KIRREL3: variants seen among roughly 807,000 people sequenced by gnomAD.
KIRREL3 encodes the protein kin of IRRE-like protein 3.
In KIRREL3, 36 loss-of-function variants were observed where a neutral mutation model predicts 89.7. The observed-to-expected ratio is 0.40, with a 90% CI of 0.31 to 0.53. KIRREL3 has a LOEUF of 0.53. Among genes scored for constraint, KIRREL3 ranks in the 20% least tolerant of loss-of-function variants. The probability of loss-of-function intolerance (pLI) is 0.49; values close to 1 mark genes in which losing one functional copy is unlikely to be tolerated. For synonymous variants in KIRREL3, 445 were observed against 441.4 expected, an observed-to-expected ratio of 1.01 and a Z score of -0.10; for missense variants, 864 against 1,056.6, an observed-to-expected ratio of 0.82 and a Z score of 2.53.
intron 1 of KIRREL3, among the ~76,000 whole-genome samples, chr11:126,862,235 C>A (rs1384649792): frequency 6.6e-6 from 1 of 152,226 alleles, no homozygotes; most frequent in Admixed American, 6.5e-5. Context: ...CGCAGTTGAA[C>A]CCTGTAGTCT....
At chr11:126,625,795 C>G (rs1385687247) in intron 1 of KIRREL3, among the ~76,000 whole-genome samples, 3 of 152,188 alleles carry the variant, frequency 2.0e-5, no homozygotes, top group Non-Finnish European at 4.4e-5. Flanking sequence ...TTCTACTATC[C>G]CATCCCAGGA....
Position 126,892,591 on chromosome 11 carries a change from C to T in KIRREL3, c.55+107864G>A, listed in dbSNP as rs1321790056. Among the ~76,000 whole-genome samples the T allele has an allele frequency of 3.9e-5, 6 of 152,024 alleles. 1 individual carries two copies. The highest frequency in any genetic ancestry group is 3.3e-4 in the Admixed American group (5 of 15,254). ...TAGAAGTAAGGCCTGGCTCTGTGCA[C>T]GTGTGTGTGCATGTGCACGTGTGTA... is the stretch of plus-strand genomic sequence containing the variant. On this transcript the variant is annotated intron_variant, in intron 1 of 16. Coordinates refer to ENST00000525144, the MANE Select transcript of KIRREL3 (RefSeq NM_032531.4). This position sits in a 1 kb window ranked among gnomAD's most constrained non-coding sequence, Gnocchi z 5.4.
At chr11:126,741,649 A>G (rs752563273) in intron 1 of KIRREL3, among the ~76,000 whole-genome samples, 1 of 152,250 alleles carries the variant, frequency 6.6e-6, no homozygotes, top group Non-Finnish European at 1.5e-5. Flanking sequence ...GAAAAGGGAT[A>G]TTCGGCAACA....
At position 126,677,926 on chromosome 11, in the gene KIRREL3, T is replaced by C. The variant is rs1946271579; in HGVS notation, c.56-115014A>G. On this transcript the variant is annotated intron_variant, in intron 1 of 16. Coordinates refer to ENST00000525144, the MANE Select transcript of KIRREL3 (RefSeq NM_032531.4). This position sits in a 1 kb window ranked among gnomAD's most constrained non-coding sequence, Gnocchi z 5.1. ...GTCACCACCAAGCCCTGTCTTGTCA[T>C]CAGCCTCAGTGTCAGGCCCTGGGAC... Among the ~76,000 whole-genome samples the C allele has an allele frequency of 6.6e-6, 1 of 152,132 alleles. No individual in the cohort carries two copies. The highest frequency in any genetic ancestry group is 2.4e-5 in the African/African-American group (1 of 41,420).
intron 5 of KIRREL3, among the ~76,000 whole-genome samples, chr11:126,472,358 C>G (rs1269865203): frequency 6.6e-6 from 1 of 152,154 alleles, no homozygotes; most frequent in Non-Finnish European, 1.5e-5. Flanking sequence ...GATTTGTTGT[C>G]TGTTGAGGGA....
chr11:126,553,278 T>C lies in KIRREL3; in HGVS notation c.133+9557A>G, dbSNP rs1396214115. 2.0e-5 allele frequency among the ~76,000 whole-genome samples: 3 copies of C among 151,962 alleles called. No homozygotes were observed. Among genetic ancestry groups the C allele is most frequent in the Non-Finnish European group, 4.4e-5 (3 of 68,028 alleles). On this transcript the variant is annotated intron_variant, in intron 2 of 16. Transcript: ENST00000525144. This position sits in a 1 kb window ranked among gnomAD's most constrained non-coding sequence, Gnocchi z 4.7. ...ATCTTCTGTTCCATTTTTTTTTAAA[T>C]GACACTCTGAGCACTTCTATCTTCT... is the stretch of plus-strand genomic sequence containing the variant.
Position 126,640,205 on chromosome 11 carries a change from G to A in KIRREL3, c.56-77293C>T, listed in dbSNP as rs145814130. ...ACCCTTCAGCTGGTGAGTGGTCCCC[G>A]AGAGCTTCTGTCATTTGTAGAGTGG... On this transcript the variant is annotated intron_variant, in intron 1 of 16. Transcript: ENST00000525144. This position sits in a 1 kb window ranked among gnomAD's most constrained non-coding sequence, Gnocchi z 4.9. Among the ~76,000 whole-genome samples, 151 of 152,164 alleles carry A rather than the reference G, an allele frequency of 9.9e-4. 1 individual carries two copies. Among genetic ancestry groups the A allele is most frequent in the African/African-American group, 3.5e-3 (146 of 41,506 alleles).
intron 1 of KIRREL3, among the ~76,000 whole-genome samples, chr11:126,878,070 G>A (rs977498124): frequency 6.6e-6 from 1 of 152,132 alleles, no homozygotes; most frequent in Non-Finnish European, 1.5e-5. Flanking sequence ...TCTACCCTAT[G>A]GCCTTTCATT....
At position 126,521,517 on chromosome 11, in the gene KIRREL3, C is replaced by G; in HGVS notation, c.284-53G>C. ...GCTGGGGTGGGGTGGAGGGGACACCCATGACAAAGAGGCACAGAATGGAGG... is the reference window on the plus strand; with the variant it reads ...GCTGGGGTGGGGTGGAGGGGACACCGATGACAAAGAGGCACAGAATGGAGG... On this transcript the variant is annotated intron_variant, in intron 3 of 16. Coordinates refer to ENST00000525144, the MANE Select transcript of KIRREL3 (RefSeq NM_032531.4). This position sits in a 1 kb window ranked among gnomAD's most constrained non-coding sequence, Gnocchi z 4.1. 6.6e-7 allele frequency: 1 copy of G among 1,504,306 alleles called. No homozygotes were observed. Among genetic ancestry groups the G allele is most frequent in the Non-Finnish European group, 9.0e-7 (1 of 1,115,820 alleles). The allele number at this position is 1,504,306 out of a possible 1,614,324, so 93.2% of individuals were successfully genotyped here. A position where few individuals can be genotyped will look rare whatever the true frequency, so the allele number is the denominator to read the frequency against.
At chr11:126,826,112 C>A (rs541628412) in intron 1 of KIRREL3, among the ~76,000 whole-genome samples, 32 of 152,244 alleles carry the variant, frequency 2.1e-4, no homozygotes, top group Admixed American at 1.8e-3. Flanking sequence ...CACCCCATTA[C>A]GCTTGCCCCC....
intron 1 of KIRREL3, among the ~76,000 whole-genome samples, chr11:126,859,716 C>T (rs1459238560): frequency 2.0e-5 from 3 of 152,200 alleles, no homozygotes; most frequent in Non-Finnish European, 2.9e-5. Flanking sequence ...ATAAGTTTCT[C>T]CCCAAGGTTT....
In KIRREL3 at chr11:126,900,605, G is replaced by C. The variant is rs1946334278; in HGVS notation, c.55+99850C>G. 6.6e-6 allele frequency among the ~76,000 whole-genome samples: 1 copy of C among 152,176 alleles called. No individual in the cohort carries two copies. Among genetic ancestry groups the C allele is most frequent in the Admixed American group, 6.5e-5 (1 of 15,282 alleles). The stretch of plus-strand genomic sequence containing the variant: ...CCCTATTCTCCTCAGAATAAATTAA[G>C]CTCAGAGATAAAGAATTCCATTACT... On this transcript the variant is annotated intron_variant, in intron 1 of 16. Transcript: ENST00000525144. This position sits in a 1 kb window ranked among gnomAD's most constrained non-coding sequence, Gnocchi z 4.4.
intron 1 of KIRREL3, among the ~76,000 whole-genome samples, chr11:126,681,609 G>GACAGACACAC (rs143053581): frequency 6.7e-6 from 1 of 150,274 alleles, no homozygotes; most frequent in Non-Finnish European, 1.5e-5. Context: ...TGTATATACA[G>GACAGACACAC]ACACACACAC....
rs557455609 is a variant in KIRREL3, at chr11:126,425,502, G to A, written c.1893+136C>T. The A allele has an allele frequency of 1.5e-4, 116 of 751,270 alleles. 2 individuals carry two copies. The South Asian group carries it at 2.0e-3, about 13-fold the overall frequency. The allele number at this position is 751,270 out of a possible 1,614,324, so 46.5% of individuals were successfully genotyped here. A position where few individuals can be genotyped will look rare whatever the true frequency, so the allele number is the denominator to read the frequency against. Reference sequence around the variant, plus strand: ...GAGGAGGTGCCTTAGGCAGGGACGGGCACCTGCCACCAAGCTGGCCTCTGA... The same window carrying A: ...GAGGAGGTGCCTTAGGCAGGGACGGACACCTGCCACCAAGCTGGCCTCTGA... On this transcript the variant is annotated intron_variant, in intron 16 of 16. Coordinates refer to ENST00000525144, the MANE Select transcript of KIRREL3 (RefSeq NM_032531.4).
intron 1 of KIRREL3, among the ~76,000 whole-genome samples, chr11:126,937,885 C>G (rs955521570): frequency 6.6e-6 from 1 of 152,044 alleles, no homozygotes; most frequent in African/African-American, 2.4e-5. Flanking sequence ...GGCGACAGAG[C>G]GAGACTCCGT....
At chr11:126,901,425 T>C (rs1180775559) in intron 1 of KIRREL3, among the ~76,000 whole-genome samples, 1 of 152,166 alleles carries the variant, frequency 6.6e-6, no homozygotes, top group Non-Finnish European at 1.5e-5. Flanking sequence ...AGATAGTTAG[T>C]TGCTAGTCTG....
intron 1 of KIRREL3, among the ~76,000 whole-genome samples, chr11:126,966,548 T>C (rs1010146815): frequency 5.3e-5 from 8 of 152,186 alleles, no homozygotes; most frequent in African/African-American, 1.2e-4. Flanking sequence ...AGAACCGTGG[T>C]GTACTCTCGA....
At position 126,709,522 on chromosome 11, in the gene KIRREL3, C is replaced by A. The variant is rs749226144; in HGVS notation, c.56-146610G>T. Among the ~76,000 whole-genome samples the A allele has an allele frequency of 6.6e-6, 1 of 152,104 alleles. No homozygotes were observed. The highest frequency in any genetic ancestry group is 2.1e-4 in the South Asian group (1 of 4,814). Reference sequence around the variant, plus strand: ...TATGCCCCAATACTTCAGAATGTGTCTATATTTGGAGATAGGGTCTTTAAA... The same window carrying A: ...TATGCCCCAATACTTCAGAATGTGTATATATTTGGAGATAGGGTCTTTAAA... On this transcript the variant is annotated intron_variant, in intron 1 of 16. Transcript: ENST00000525144. This position sits in a 1 kb window ranked among gnomAD's most constrained non-coding sequence, Gnocchi z 4.0.
chr11:126,741,630 A>G (rs55765230), intron 1 of KIRREL3, among the ~76,000 whole-genome samples: 27,754 of 152,030 alleles, frequency 0.18, 2,645 homozygotes, highest in African/African-American at 0.21. Context: ...ACATAGGGGA[A>G]TATAAGTTGA....
Sources: allele counts gnomAD v4.1 joint callset (sites outside exome capture counted in the v4.1 genomes callset), GRCh38; gene constraint gnomAD v4.1.1; non-coding constraint Gnocchi (gnomAD v3.1); transcripts MANE v1.5; gene names NCBI Gene and HGNC (gene_info 2026-07-23, HGNC 2026-07-21).